C2CD3: variants seen among roughly 807,000 people sequenced by gnomAD.
C2CD3 encodes the protein C2 domain containing 3 centriole elongation regulator, also known as C2 domain-containing protein 3.
Under a neutral mutation model 234.0 loss-of-function variants are expected in C2CD3, and 148 were observed. The ratio of observed to expected loss-of-function variants is 0.63; its 90% CI spans 0.55 to 0.72. C2CD3 has a LOEUF of 0.72. C2CD3 is among the 30% of genes least tolerant of loss of function. C2CD3 has a pLI of 0.00. For synonymous variants in C2CD3, 1,000 were observed against 1,035.4 expected (o/e 0.97, Z 0.66); for missense variants, 2,577 against 2,811.5 (o/e 0.92, Z 1.89).
chr11:74,028,365 CA>C lies in C2CD3; in HGVS notation c.6842del (p.Leu2281CysfsTer77). On this transcript the variant is annotated frameshift_variant, in exon 32 of 33. Transcript: ENST00000334126. LOFTEE classifies it high-confidence loss of function. ...PGPIVVPNFF[L>X]PPQQLEASLR... ...GGGAAGCCTCCAACTGCTGGGGAGGCAAAAAGAAGTTGGGCACCACAATGGG... is the reference window on the plus strand; with the variant it reads ...GGGAAGCCTCCAACTGCTGGGGAGGCAAAAGAAGTTGGGCACCACAATGGG... The C allele has an allele frequency of 2.0e-6, 3 of 1,535,580 alleles. No individual in the cohort carries two copies. The highest frequency in any genetic ancestry group is 2.6e-6 in the Non-Finnish European group (3 of 1,146,766).
intron 8 of C2CD3, among the ~76,000 whole-genome samples, chr11:74,121,364 T>C (rs1957208582): frequency 6.6e-6 from 1 of 152,086 alleles, no homozygotes; most frequent in Admixed American, 6.5e-5. Context: ...CCCAGCACTT[T>C]GGGAGGCTGA....
chr11:74,026,115 A>G (rs1952283674), intron 32 of C2CD3, among the ~76,000 whole-genome samples: 3 of 152,306 alleles, frequency 2.0e-5, no homozygotes, highest in South Asian at 4.1e-4. Context: ...ACTGAGATGT[A>G]GCCTGGGCAA....
intron 3 of C2CD3, among the ~76,000 whole-genome samples, chr11:74,148,821 TCCCA>T (rs948074778): frequency 5.3e-5 from 8 of 152,174 alleles, no homozygotes; most frequent in Non-Finnish European, 1.0e-4. Flanking sequence ...TCAGGAGAGA[TCCCA>T]TGGTTAGTCA....
intron 31 of C2CD3, among the ~76,000 whole-genome samples, chr11:74,029,580 G>A (rs1263539463): frequency 1.3e-5 from 2 of 152,220 alleles, no homozygotes; most frequent in African/African-American, 4.8e-5. Context: ...GGATCTATTT[G>A]CTGTTGCTGA....
rs576353352 is a variant in C2CD3, at chr11:74,054,271, C to CAAA, written c.5155+333_5155+335dup. Among the ~76,000 whole-genome samples, 68 of 94,410 alleles carry CAAA rather than the reference C, an allele frequency of 7.2e-4. 1 individual carries two copies. The highest frequency in any genetic ancestry group is 2.8e-3 in the African/African-American group (66 of 23,970). 61.9% of individuals were successfully genotyped at this position (94,410 alleles called of 152,430 possible). A position where few individuals can be genotyped will look rare whatever the true frequency, so the allele number is the denominator to read the frequency against. On this transcript the variant is annotated intron_variant, in intron 26 of 32. Coordinates refer to ENST00000334126, the MANE Select transcript of C2CD3 (RefSeq NM_001286577.2). ...TGGGCAACACAGCAAGATTCTGTCT[C>CAAA]AAAAAAAAAAAAAAAAAAAAATTAG...
chr11:74,044,771 A>T lies in C2CD3; in HGVS notation c.5496-2553T>A, dbSNP rs1055052346. Among the ~76,000 whole-genome samples, 4 of 151,844 alleles carry T rather than the reference A, an allele frequency of 2.6e-5. No homozygotes were observed. The East Asian group carries it at 7.7e-4, about 29-fold the overall frequency. The stretch of plus-strand genomic sequence containing the variant: ...ACTTTTTTATGTCTATGAATACCCA[A>T]TGCTTAGCTGCCACTTATAAGAGAG... On this transcript the variant is annotated intron_variant, in intron 28 of 32. Transcript: ENST00000334126.
chr11:74,036,683 C>A (rs966666622), intron 30 of C2CD3, among the ~76,000 whole-genome samples: 6 of 152,160 alleles, frequency 3.9e-5, no homozygotes, highest in Non-Finnish European at 5.9e-5. Context: ...ATAAAGATTT[C>A]TAGGTCATGA....
chr11:74,166,696 T>C (rs1856836648), intron 2 of C2CD3, among the ~76,000 whole-genome samples: 1 of 152,226 alleles, frequency 6.6e-6, no homozygotes. Context: ...GTTTCATGTA[T>C]GTCAGTTTTG....
At chr11:74,099,591 T>C (rs1956234908) in intron 15 of C2CD3, among the ~76,000 whole-genome samples, 1 of 151,988 alleles carries the variant, frequency 6.6e-6, no homozygotes, top group Non-Finnish European at 1.5e-5. Flanking sequence ...GAATCTTGAG[T>C]CAAAATTAAA....
chr11:74,164,256 G>A (rs1268034639), intron 2 of C2CD3: 2 of 966,628 alleles, frequency 2.1e-6, no homozygotes, highest in Non-Finnish European at 1.2e-6. Context: ...TCTGATCAAA[G>A]ACAGGTAAAA....
chr11:74,108,307 G>A (rs1003808646), intron 12 of C2CD3, among the ~76,000 whole-genome samples: 4 of 151,840 alleles, frequency 2.6e-5, no homozygotes, highest in Non-Finnish European at 4.4e-5. Flanking sequence ...TTTTCAAAAA[G>A]GACCTGTATT....
At chr11:74,096,237 T>C (rs910831273) in intron 16 of C2CD3, among the ~76,000 whole-genome samples, 1 of 152,158 alleles carries the variant, frequency 6.6e-6, no homozygotes, top group Non-Finnish European at 1.5e-5. Context: ...CCCTATTCTA[T>C]ACAGCAGATC....
At chr11:74,111,566 C>T (rs777069068) in intron 11 of C2CD3, among the ~76,000 whole-genome samples, 35 of 152,040 alleles carry the variant, frequency 2.3e-4, no homozygotes, top group Middle Eastern at 3.2e-3. Context: ...ATTCCAAAAT[C>T]TGAAAAAATT....
At chr11:74,036,174 TCTC>T in intron 30 of C2CD3, 1 of 270,660 alleles carries the variant, frequency 3.7e-6, no homozygotes, top group Non-Finnish European at 7.4e-6. Context: ...TTCCCTTCTC[TCTC>T]CTCTTTTAAT....
chr11:74,106,320 T>C (rs747606888), intron 13 of C2CD3, 51 bp downstream of exon 13: 1 of 1,595,288 alleles, frequency 6.3e-7, no homozygotes, highest in South Asian at 1.1e-5. Context: ...TGCCAGCCAA[T>C]AATGCATACT....
intron 19 of C2CD3, 55 bp from the exon 20 acceptor site, chr11:74,090,991 C>A: frequency 6.3e-7 from 1 of 1,595,962 alleles, no homozygotes; most frequent in Non-Finnish European, 8.5e-7. Context: ...TCTGTTCCAC[C>A]AAACCACAAA....
chr11:74,059,621 C>A (rs1286941330), intron 24 of C2CD3, among the ~76,000 whole-genome samples: 3 of 152,050 alleles, frequency 2.0e-5, no homozygotes, highest in Admixed American at 6.6e-5. Flanking sequence ...GATTTTATTC[C>A]TGTCCACATG....
At chr11:74,025,183 C>T (rs1952239954) in intron 32 of C2CD3, among the ~76,000 whole-genome samples, 1 of 151,792 alleles carries the variant, frequency 6.6e-6, no homozygotes, top group South Asian at 2.1e-4. Flanking sequence ...TTAATGTGGC[C>T]TCTGGGAAAG....
chr11:74,075,789 C>T (rs1955007904), intron 23 of C2CD3, among the ~76,000 whole-genome samples: 1 of 152,150 alleles, frequency 6.6e-6, no homozygotes, highest in South Asian at 2.1e-4. Flanking sequence ...CCAAAAGCAA[C>T]ACAGTTAAAT....
Sources: allele counts gnomAD v4.1 joint callset (sites outside exome capture counted in the v4.1 genomes callset), GRCh38; gene constraint gnomAD v4.1.1; transcripts MANE v1.5; gene names NCBI Gene and HGNC (gene_info 2026-07-23, HGNC 2026-07-21).